Variants in CTBP2 observed in about 807,000 individuals in gnomAD.
CTBP2 encodes C-terminal binding protein 2, also known as C-terminal-binding protein 2.
In CTBP2, 30 loss-of-function variants were observed where a neutral mutation model predicts 80.3. The ratio of observed to expected loss-of-function variants is 0.37; its 90% CI spans 0.28 to 0.51. The LOEUF (loss-of-function observed/expected upper bound fraction) is 0.51. Among genes scored for constraint, CTBP2 ranks in the 20% least tolerant of loss-of-function variants. CTBP2 has a pLI of 0.93. For synonymous variants in CTBP2, 594 were observed against 587.4 expected (o/e 1.01, Z -0.16); for missense variants, 1,212 against 1,375.3 (o/e 0.88, Z 1.88).
chr10:125,047,260 T>G (rs1425380789), intron 2 of CTBP2, among the ~76,000 whole-genome samples: 1 of 152,230 alleles, frequency 6.6e-6, no homozygotes, highest in East Asian at 1.9e-4. Context: ...TGCAGATCAA[T>G]TTTTCCTTTT....
chr10:125,042,826 T>G (rs1246424975), intron 2 of CTBP2, among the ~76,000 whole-genome samples: 2 of 152,138 alleles, frequency 1.3e-5, no homozygotes, highest in East Asian at 3.8e-4. Context: ...TCAGTGAAGG[T>G]CAAGGTCAAC....
intron 1 of CTBP2, among the ~76,000 whole-genome samples, chr10:125,128,738 A>G (rs1443242680): frequency 2.0e-5 from 3 of 152,254 alleles, no homozygotes; most frequent in African/African-American, 7.2e-5. Context: ...AAAATGTTAT[A>G]ACCACTTTGT....
At chr10:125,160,758 C>CGTCCCGGCCCCGCGA (rs1565081085), upstream of CTBP2, 1 of 130,130 alleles carries the variant, frequency 7.7e-6, no homozygotes, top group African/African-American at 2.9e-5. Context: ...CGGCCCCGCG[C>CGTCCCGGCCCCGCGA]CCTCCCGCCC....
intron 5 of CTBP2, 85 bp downstream of exon 7, chr10:124,994,384 G>T: frequency 2.2e-6 from 3 of 1,343,718 alleles, no homozygotes; most frequent in South Asian, 2.5e-5. Context: ...AACCACCTCC[G>T]TTGCCCTCCG....
intron 1 of CTBP2, among the ~76,000 whole-genome samples, chr10:125,011,630 G>T (rs1182076736): frequency 6.6e-6 from 1 of 152,178 alleles, no homozygotes; most frequent in Admixed American, 6.5e-5. Context: ...AAGCTCATCT[G>T]CAACCCTAGA....
chr10:125,103,701 C>G (rs1851001958), intron 2 of CTBP2, among the ~76,000 whole-genome samples: 1 of 152,136 alleles, frequency 6.6e-6, no homozygotes, highest in African/African-American at 2.4e-5. Context: ...TCCATGCCCC[C>G]CAGGCGTCCC....
At chr10:125,105,375 C>T (rs1316283023) in intron 2 of CTBP2, among the ~76,000 whole-genome samples, 1 of 152,210 alleles carries the variant, frequency 6.6e-6, no homozygotes, top group Non-Finnish European at 1.5e-5. Flanking sequence ...TGGTCTCAAA[C>T]TCCTGGGCTC....
At chr10:125,106,152 C>T (rs1458888725) in intron 2 of CTBP2, among the ~76,000 whole-genome samples, 3 of 152,206 alleles carry the variant, frequency 2.0e-5, no homozygotes, top group Non-Finnish European at 4.4e-5. Context: ...TGAGGGGTAG[C>T]AGAGGCCCAT....
intron 1 of CTBP2, among the ~76,000 whole-genome samples, chr10:125,126,858 CTA>C: frequency 6.6e-6 from 1 of 152,268 alleles, no homozygotes; most frequent in Admixed American, 6.5e-5. Flanking sequence ...TGGTCAAAGC[CTA>C]TAGCCCATTC....
intron 1 of CTBP2, among the ~76,000 whole-genome samples, chr10:125,156,619 G>T (rs758494963): frequency 5.3e-5 from 8 of 152,046 alleles, no homozygotes; most frequent in Non-Finnish European, 1.2e-4. Context: ...AACAGCAATG[G>T]TAACAATAAA....
intron 2 of CTBP2, among the ~76,000 whole-genome samples, chr10:125,080,304 C>A (rs1395777139): frequency 1.3e-5 from 2 of 152,010 alleles, no homozygotes; most frequent in East Asian, 3.9e-4. Context: ...AAACACACAC[C>A]CACACCGTCA....
At chr10:125,095,294 T>C (rs1849380178) in intron 2 of CTBP2, among the ~76,000 whole-genome samples, 1 of 152,172 alleles carries the variant, frequency 6.6e-6, no homozygotes, top group Non-Finnish European at 1.5e-5. Flanking sequence ...CCAAGGTCAA[T>C]GCCTAAGGCT....
intron 2 of CTBP2, among the ~76,000 whole-genome samples, chr10:125,059,351 C>G (rs1030829950): frequency 2.6e-5 from 4 of 152,058 alleles, no homozygotes. Context: ...GAGGCTGAGG[C>G]GGGCAGGTCA....
At chr10:125,128,934 G>A (rs1339263871) in intron 1 of CTBP2, among the ~76,000 whole-genome samples, 2 of 152,148 alleles carry the variant, frequency 1.3e-5, no homozygotes, top group Admixed American at 6.5e-5. Flanking sequence ...AAGAAACTGC[G>A]GTCGAGTCAT....
At chr10:125,042,130 T>C (rs1280269887) in intron 2 of CTBP2, among the ~76,000 whole-genome samples, 1 of 152,112 alleles carries the variant, frequency 6.6e-6, no homozygotes, top group East Asian at 1.9e-4. Context: ...ACCATTGACT[T>C]GTGTAGCCTC....
At chr10:125,015,432 G>C (rs1224186390) in intron 1 of CTBP2, among the ~76,000 whole-genome samples, 1 of 152,262 alleles carries the variant, frequency 6.6e-6, no homozygotes. Flanking sequence ...CGTGACGTCT[G>C]TTTTTGAAAC....
intron 1 of CTBP2, among the ~76,000 whole-genome samples, chr10:125,141,922 C>G (rs947889041): frequency 6.6e-5 from 10 of 152,234 alleles, no homozygotes; most frequent in Non-Finnish European, 8.8e-5. Context: ...CTGGCAGTCA[C>G]TCACAGTCCC....
At chr10:124,998,495 G>A (rs555084428) in intron 3 of CTBP2, 7 of 389,206 alleles carry the variant, frequency 1.8e-5, no homozygotes, top group African/African-American at 8.1e-5. Context: ...GAAAGGACCC[G>A]GAGTGGCAGG....
In CTBP2 at chr10:124,992,798, T is replaced by C. The variant is rs1176433164; in HGVS notation, c.2674A>G (p.Ser892Gly). Residue 892 changes from serine to glycine, a missense_variant, in exon 8 of 9, where the codon AGC becomes GGC. Transcript: ENST00000309035. ...TCCTTGTTCACACAATTTCTTAAGC[T>C]TTCTGGGATGCGACCTAGGGTAAGA... 6.2e-7 allele frequency: 1 copy of C among 1,611,644 alleles called. No individual in the cohort carries two copies. The highest frequency in any genetic ancestry group is 1.3e-5 in the African/African-American group (1 of 75,012).
Sources: allele counts gnomAD v4.1 joint callset (sites outside exome capture counted in the v4.1 genomes callset), GRCh38; gene constraint gnomAD v4.1.1; transcripts MANE v1.5; gene names NCBI Gene and HGNC (gene_info 2026-07-23, HGNC 2026-07-21).